POLR1C: variants seen among roughly 807,000 people sequenced by gnomAD.
POLR1C encodes the protein RNA polymerase I and III subunit C, also known as DNA-directed RNA polymerases I and III subunit RPAC1.
A neutral mutation model predicts 38.3 loss-of-function variants in POLR1C; 42 were observed. That is an observed-to-expected ratio of 1.10 (90% CI 0.86 to 1.42). The LOEUF is 1.42. POLR1C is among the 40% of genes most tolerant of loss of function. The pLI is 0.00. For synonymous variants in POLR1C, 163 were observed against 163.9 expected, an observed-to-expected ratio of 0.99 and a Z score of 0.04; for missense variants, 507 against 450.5, an observed-to-expected ratio of 1.13 and a Z score of -1.14.
At chr6:43,553,904 T>A (rs1761870311) in intron 10 of POLR1C, among the ~76,000 whole-genome samples, 1 of 152,110 alleles carries the variant, frequency 6.6e-6, no homozygotes, top group South Asian at 2.1e-4. Flanking sequence ...TCCATGAGAA[T>A]CTAAATAATT....
In POLR1C at chr6:43,519,721, G is replaced by T; in HGVS notation, c.265G>T (p.Val89Leu). 1 of 1,614,190 alleles carries T rather than the reference G, an allele frequency of 6.2e-7. No individual in the cohort carries two copies. Among genetic ancestry groups the T allele is most frequent in the Non-Finnish European group, 8.5e-7 (1 of 1,180,026 alleles). ...ILLAEVPTMA[V>L]EKVLVYNNTS... ...CCTTGGGCAGGTGCCAACTATGGCTGTGGAGAAGGTCCTGGTGTACAATAA... is the reference window on the plus strand; with the variant it reads ...CCTTGGGCAGGTGCCAACTATGGCTTTGGAGAAGGTCCTGGTGTACAATAA... The change falls in exon 4 of 9, where the codon GTG (valine) becomes TTG (leucine). Residue 89 changes from valine (V) to leucine (L), a missense_variant. Val to Leu is a conservative substitution (Grantham distance 32, BLOSUM62 1). Transcript: ENST00000642195.
chr6:43,538,233 T>TC (rs1253068955), intron 9 of POLR1C, among the ~76,000 whole-genome samples: 1 of 122,030 alleles, frequency 8.2e-6, no homozygotes, highest in African/African-American at 3.1e-5. Context: ...CAATGCAACC[T>TC]CCGCCTGCTG....
At chr6:43,531,226 T>C (rs1175552709), downstream of POLR1C, among the ~76,000 whole-genome samples, 3 of 143,668 alleles carry the variant, frequency 2.1e-5, no homozygotes, top group Non-Finnish European at 4.8e-5. Context: ...TTGGGTTTCA[T>C]CATTTTATAC....
chr6:43,527,821 CT>C lies in POLR1C; in HGVS notation c.923-1425del. The C allele has an allele frequency of 2.2e-6, 3 of 1,361,704 alleles. No individual in the cohort carries two copies. The African/African-American group carries it at 4.3e-5, about 20-fold the overall frequency. 84.4% of individuals were successfully genotyped at this position (1,361,704 alleles called of 1,614,324 possible). ...ACCCTAATCAGACTCTCTCTGACCA[CT>C]TTCTTCTCCTTTGGGTCTTCGTTTT... On this transcript the variant is annotated intron_variant, in intron 8 of 8. Coordinates refer to the POLR1C transcript ENST00000304004.
At position 43,521,409 on chromosome 6, in the gene POLR1C, C is replaced by T; in HGVS notation, c.*109C>T. 1 of 1,593,442 alleles carries T rather than the reference C, an allele frequency of 6.3e-7. No homozygotes were observed. The highest frequency in any genetic ancestry group is 1.1e-5 in the South Asian group (1 of 89,144). On this transcript the variant is annotated 3_prime_UTR_variant, in exon 9 of 9. Transcript: ENST00000642195. The stretch of plus-strand genomic sequence containing the variant: ...ACTAGGGATCCTGAGTTTTCTGGGA[C>T]AATTCCAGCTTTAATCAATACATTT...
intron 9 of POLR1C, among the ~76,000 whole-genome samples, chr6:43,545,711 A>AAAAC (rs1196490468): frequency 7.0e-6 from 1 of 142,516 alleles, no homozygotes; most frequent in Non-Finnish European, 1.5e-5. Context: ...CTGTCTCAAA[A>AAAAC]AAACAAACAA....
downstream of POLR1C, chr6:43,534,061 G>A (rs1309608103): frequency 5.6e-6 from 8 of 1,422,400 alleles, no homozygotes; most frequent in Admixed American, 1.8e-5. Flanking sequence ...GAAGGAAAGA[G>A]TGGGTTTTGC....
downstream of POLR1C, chr6:43,523,898 C>T: frequency 5.0e-6 from 8 of 1,613,992 alleles, no homozygotes; most frequent in South Asian, 1.1e-5. Context: ...CCAGGCCACC[C>T]CCATCATTGT....
chr6:43,525,139 T>C (rs1164580675), downstream of POLR1C: 4 of 1,580,930 alleles, frequency 2.5e-6, no homozygotes, highest in Non-Finnish European at 3.4e-6. Flanking sequence ...AGCTGTGAGG[T>C]TGTCCTCTGG....
downstream of POLR1C, chr6:43,525,676 T>C (rs1582192158): frequency 1.5e-6 from 1 of 686,974 alleles, no homozygotes. Flanking sequence ...CACCATGGCA[T>C]TGCACCTTTT....
intron 9 of POLR1C, among the ~76,000 whole-genome samples, chr6:43,544,892 G>A (rs1794888916): frequency 6.6e-6 from 1 of 151,098 alleles, no homozygotes; most frequent in Admixed American, 6.6e-5. Context: ...TTTATTTTGA[G>A]ATGGAAGTCT....
At chr6:43,533,078 T>A (rs1451636569), downstream of POLR1C, among the ~76,000 whole-genome samples, 5 of 152,110 alleles carry the variant, frequency 3.3e-5, no homozygotes, top group Non-Finnish European at 7.4e-5. Context: ...GAGGTTGCAG[T>A]GAGCTGAGAT....
chr6:43,557,100 C>T lies in POLR1C; in HGVS notation c.*49-4300C>T, dbSNP rs1214796409. On this transcript the variant is annotated intron_variant, in intron 10 of 10. Coordinates refer to the POLR1C transcript ENST00000607635. ...CCGAGAGTGTGTCATTGCACTCCAG[C>T]CTGGGCGACAGAGCAAGACTCCATC... 2.1e-5 allele frequency among the ~76,000 whole-genome samples: 3 copies of T among 144,792 alleles called. No individual in the cohort carries two copies. In the East Asian group the frequency reaches 6.0e-4, roughly 29 times the overall value. The allele number at this position is 144,792 out of a possible 152,430, so 95.0% of individuals were successfully genotyped here. A position where few individuals can be genotyped will look rare whatever the true frequency, so the allele number is the denominator to read the frequency against.
Position 43,526,553 on chromosome 6 carries a change from G to C in POLR1C, c.923-2696G>C. Reference sequence around the variant, plus strand: ...TATGATGGAGGCACACAGCAAGAGGGCTGGTCCAGAGATGATAACTACATG... The same window carrying C: ...TATGATGGAGGCACACAGCAAGAGGCCTGGTCCAGAGATGATAACTACATG... On this transcript the variant is annotated intron_variant, in intron 8 of 8. Coordinates refer to the POLR1C transcript ENST00000304004. 3.0e-6 allele frequency: 3 copies of C among 986,620 alleles called. No homozygotes were observed. The South Asian group carries it at 4.3e-5, about 14-fold the overall frequency. 61.1% of individuals were successfully genotyped at this position (986,620 alleles called of 1,614,324 possible).
At chr6:43,526,406 C>T, downstream of POLR1C, 1 of 483,112 alleles carries the variant, frequency 2.1e-6, no homozygotes, top group Non-Finnish European at 3.8e-6. Flanking sequence ...ATAGGTTGGT[C>T]ATGGACGATC....
At chr6:43,541,630 C>T (rs1266456992) in intron 9 of POLR1C, among the ~76,000 whole-genome samples, 1 of 137,286 alleles carries the variant, frequency 7.3e-6, no homozygotes, top group African/African-American at 3.5e-5. Context: ...AATGTACTTT[C>T]TGTCTCTAGA....
In POLR1C at chr6:43,552,711, T is replaced by C. The variant is rs574288659; in HGVS notation, c.*48+1700T>C. On this transcript the variant is annotated intron_variant, in intron 10 of 10. Coordinates refer to the POLR1C transcript ENST00000607635. ...TTGGATTATATCTTTTGTCTATTTC[T>C]CTATAATTTAGTAAATCCTCATCTG... Among the ~76,000 whole-genome samples the C allele has an allele frequency of 1.2e-3, 184 of 152,314 alleles. 1 individual carries two copies. Among genetic ancestry groups the C allele is most frequent in the African/African-American group, 4.2e-3 (175 of 41,564 alleles).
chr6:43,525,882 A>G, downstream of POLR1C: 1 of 1,614,060 alleles, frequency 6.2e-7, no homozygotes, highest in South Asian at 1.1e-5. Flanking sequence ...AAGCTCTGCC[A>G]TAGCTGAGGG....
rs1244172294 is a variant in POLR1C at position 43,553,291 on chromosome 6, T to G, written c.*48+2280T>G. 4 of 1,482,772 alleles carry G rather than the reference T, an allele frequency of 2.7e-6. No individual in the cohort carries two copies. In the African/African-American group the frequency reaches 5.6e-5, roughly 21 times the overall value. The allele number at this position is 1,482,772 out of a possible 1,614,324, so 91.9% of individuals were successfully genotyped here. A position where few individuals can be genotyped will look rare whatever the true frequency, so the allele number is the denominator to read the frequency against. ...CATTTCAGCCTGAGCAACAGAGAGA[T>G]ATAGCGTCCCAAAATAGAAAGAGAA... On this transcript the variant is annotated intron_variant, in intron 10 of 10. Coordinates refer to the POLR1C transcript ENST00000607635.
Sources: allele counts gnomAD v4.1 joint callset (sites outside exome capture counted in the v4.1 genomes callset), GRCh38; gene constraint gnomAD v4.1.1; transcripts MANE v1.5; gene names NCBI Gene and HGNC (gene_info 2026-07-23, HGNC 2026-07-21).